Variants in PRODH2 observed in about 807,000 individuals in gnomAD.
The protein encoded by PRODH2 is hydroxyproline dehydrogenase.
Under a neutral mutation model 51.9 loss-of-function variants are expected in PRODH2, and 49 were observed. That is an observed-to-expected ratio of 0.94 (90% CI 0.75 to 1.20). PRODH2 has a LOEUF of 1.20. Ranked by LOEUF, PRODH2 falls within the 50% of genes most tolerant of loss-of-function variation. PRODH2 has a pLI of 0.00. For synonymous variants in PRODH2, 249 were observed against 260.7 expected (o/e 0.96, Z 0.43); for missense variants, 597 against 610.9 (o/e 0.98, Z 0.24).
At chr19:35,804,031 G>A (rs1972472380) in intron 7 of PRODH2, among the ~76,000 whole-genome samples, 1 of 152,130 alleles carries the variant, frequency 6.6e-6, no homozygotes, top group Admixed American at 6.6e-5. Flanking sequence ...TCATGTGCAG[G>A]AAGGAGTGTG....
intron 4 of PRODH2, among the ~76,000 whole-genome samples, chr19:35,808,832 A>C (rs1320316398): frequency 2.6e-5 from 3 of 116,028 alleles, no homozygotes; most frequent in African/African-American, 1.1e-4. Flanking sequence ...TTTTTTTGAG[A>C]TAGATCTCAC....
At chr19:35,803,429 A>AT (rs1260573865) in intron 7 of PRODH2, among the ~76,000 whole-genome samples, 1 of 151,606 alleles carries the variant, frequency 6.6e-6, no homozygotes, top group East Asian at 1.9e-4. Context: ...TAATTTTTGT[A>AT]TTTTTAGTAG....
intron 4 of PRODH2, among the ~76,000 whole-genome samples, chr19:35,810,558 T>C (rs1972593036): frequency 6.6e-6 from 1 of 151,228 alleles, no homozygotes; most frequent in Non-Finnish European, 1.5e-5. Context: ...AGTCTTACTC[T>C]GTCACCAGGC....
Position 35,806,792 on chromosome 19 carries a change from C to T in PRODH2, c.717G>A (p.Ala239=), listed in dbSNP as rs749831811. 21 of 1,612,204 alleles carry T rather than the reference C, an allele frequency of 1.3e-5. No individual in the cohort carries two copies. Among genetic ancestry groups the T allele is most frequent in the African/African-American group, 2.7e-5 (2 of 74,866 alleles). The stretch of plus-strand genomic sequence containing the variant: ...GCGCAGGGTTCAGTGAGGTGTACTC[C>T]GCATCCACCAGGAGCCGCACGTGCT... ...RAQHVRLLVD[A]EYTSLNPALS... The change falls in exon 6 of 10, where the codon GCG becomes GCA. Residue 239 remains alanine, a synonymous_variant. Transcript: ENST00000653904.
Position 35,812,441 on chromosome 19 carries a change from A to G in PRODH2, c.290T>C (p.Val97Ala), listed in dbSNP as rs752334119. Residue 97 changes from valine (V) to alanine (A), a missense_variant, in exon 2 of 10, where the codon GTG becomes GCG. Transcript: ENST00000653904. ...GAGGCTGAGGGTCCGCAGCTGCTGC[A>G]CGCAGCCCTTCACCTCCTCTGCTGT... ...GETAEEVKGC[V>A]QQLRTLSLRP... The G allele has an allele frequency of 1.2e-6, 2 of 1,614,216 alleles. No homozygotes were observed. Among genetic ancestry groups the G allele is most frequent in the Admixed American group, 1.7e-5 (1 of 60,032 alleles).
chr19:35,812,314 C>T (rs1346179766), intron 2 of PRODH2, 42 bp from the exon 3 acceptor site: 1 of 1,610,748 alleles, frequency 6.2e-7, no homozygotes, highest in Non-Finnish European at 8.5e-7. Context: ...AGCAAAGCCC[C>T]TTCCTGCGTC....
At position 35,800,201 on chromosome 19, in the gene PRODH2, T is replaced by C. The variant is rs1364309083; in HGVS notation, c.1220A>G (p.Tyr407Cys). ...LALGQAGYVV[Y>C]KSIPYGSLEE... ...CAAGGAGCCATAGGGAATGGACTTATACACTACATAGCCGGCCTGCCCTGC... is the reference window on the plus strand; with the variant it reads ...CAAGGAGCCATAGGGAATGGACTTACACACTACATAGCCGGCCTGCCCTGC... The change falls in exon 10 of 10, where the codon TAT becomes TGT. Residue 407 changes from tyrosine (Y) to cysteine (C), a missense_variant. By Grantham distance (194) the Tyr-to-Cys change is radical (BLOSUM62 -2). Transcript: ENST00000653904. 6.3e-7 allele frequency: 1 copy of C among 1,594,484 alleles called. No homozygotes were observed. The highest frequency in any genetic ancestry group is 8.5e-7 in the Non-Finnish European group (1 of 1,170,264).
chr19:35,812,291 T>C lies in PRODH2; in HGVS notation c.372-19A>G. 6.2e-7 allele frequency: 1 copy of C among 1,612,730 alleles called. No homozygotes were observed. Among genetic ancestry groups the C allele is most frequent in the South Asian group, 1.1e-5 (1 of 90,990 alleles). Reference sequence around the variant, plus strand: ...CGCCTCACTGCCCAGCCAGCAGGTGTCAGGGCCCGAACAGCAAAGCCCCTT... The same window carrying C: ...CGCCTCACTGCCCAGCCAGCAGGTGCCAGGGCCCGAACAGCAAAGCCCCTT... On this transcript the variant is annotated intron_variant, in intron 2 of 9. Coordinates refer to ENST00000653904, the MANE Select transcript of PRODH2 (RefSeq NM_021232.2).
rs374226189 is a variant in PRODH2 at position 35,812,251 on chromosome 19, G to C, written c.393C>G (p.Asn131Lys). 2.2e-5 allele frequency: 36 copies of C among 1,613,542 alleles called. No homozygotes were observed. The African/African-American group carries it at 3.7e-4, about 17-fold the overall frequency. The change falls in exon 3 of 10, where the codon AAC becomes AAG. Residue 131 changes from asparagine (N) to lysine (K), a missense_variant. Transcript: ENST00000653904. ...CCACACACCGCAGCATAGCACCGAG[G>C]TTCCCCTCATACCACGCCTCACTGC... ...AKSGEAWYEG[N>K]LGAMLRCVDL...
rs764939900 is a variant in PRODH2, at chr19:35,812,439, G to C, written c.292C>G (p.Gln98Glu). The C allele has an allele frequency of 1.9e-5, 30 of 1,614,124 alleles. 1 individual carries two copies. The South Asian group carries it at 3.3e-4, about 18-fold the overall frequency. ...CGGAGGCTGAGGGTCCGCAGCTGCT[G>C]CACGCAGCCCTTCACCTCCTCTGCT... ...ETAEEVKGCVQQLRTLSLRPL... is the reference protein window; with the variant it reads ...ETAEEVKGCVEQLRTLSLRPL... Residue 98 changes from glutamine to glutamate, a missense_variant, in exon 2 of 10, where the codon CAG (glutamine) becomes GAG (glutamate). By Grantham distance (29) the Gln-to-Glu change is conservative. Transcript: ENST00000653904.
intron 4 of PRODH2, among the ~76,000 whole-genome samples, chr19:35,809,321 C>T (rs955717227): frequency 1.3e-5 from 2 of 152,074 alleles, no homozygotes; most frequent in South Asian, 2.1e-4. Context: ...GTATTGACCT[C>T]CTGGGCTCAA....
chr19:35,810,149 TC>T (rs1327078882), intron 4 of PRODH2, among the ~76,000 whole-genome samples: 2 of 138,096 alleles, frequency 1.4e-5, no homozygotes, highest in Non-Finnish European at 3.1e-5. Context: ...GCGCTTGTAA[TC>T]CCAGCTACTC....
At position 35,812,791 on chromosome 19, in the gene PRODH2, A is replaced by T; in HGVS notation, c.15T>A (p.Cys5Ter). 1 of 1,599,284 alleles carries T rather than the reference A, an allele frequency of 6.3e-7. No homozygotes were observed. Among genetic ancestry groups the T allele is most frequent in the Non-Finnish European group, 8.5e-7 (1 of 1,171,040 alleles). Residue 5 changes from cysteine (C) to a stop codon, truncating the protein, a stop_gained, in exon 1 of 10, where the codon TGT becomes TGA. Coordinates refer to ENST00000653904, the MANE Select transcript of PRODH2 (RefSeq NM_021232.2). LOFTEE classifies it high-confidence loss of function. ...GACCAGCTTGGGAACAGAGCACGTA[A>T]CAGGTCCGGAGCATCCTGGGTCCCT... MLRT[C>*]YVLCSQAGPP...
Position 35,812,463 on chromosome 19 carries a change from C to T in PRODH2, c.268G>A (p.Ala90Thr). The T allele has an allele frequency of 1.9e-6, 3 of 1,614,192 alleles. No individual in the cohort carries two copies. Among genetic ancestry groups the T allele is most frequent in the Non-Finnish European group, 2.5e-6 (3 of 1,180,008 alleles). Residue 90 changes from alanine (A) to threonine (T), a missense_variant, in exon 2 of 10, where the codon GCA becomes ACA. Coordinates refer to ENST00000653904, the MANE Select transcript of PRODH2 (RefSeq NM_021232.2). Reference sequence around the variant, plus strand: ...TGCACGCAGCCCTTCACCTCCTCTGCTGTCTCACCAGCCACAAACTGCCCA... The same window carrying T: ...TGCACGCAGCCCTTCACCTCCTCTGTTGTCTCACCAGCCACAAACTGCCCA... ...VYGQFVAGET[A>T]EEVKGCVQQL...
intron 7 of PRODH2, among the ~76,000 whole-genome samples, chr19:35,806,108 C>T (rs1972507330): frequency 7.6e-6 from 1 of 130,864 alleles, no homozygotes; most frequent in African/African-American, 2.9e-5. Flanking sequence ...TGTTTTGAGA[C>T]AGATTCTCGC....
At chr19:35,801,538 C>A (rs2146777815) in intron 9 of PRODH2, among the ~76,000 whole-genome samples, 1 of 152,116 alleles carries the variant, frequency 6.6e-6, no homozygotes, top group East Asian at 1.9e-4. Flanking sequence ...ACACAGCAAG[C>A]CACTTCTGCC....
Position 35,812,035 on chromosome 19 carries a change from G to A in PRODH2, c.524C>T (p.Ser175Leu), listed in dbSNP as rs201027119. ...GGAGGCTCCTGGCCTTCTGACCCAC[G>A]AGGCTAGCTCCTTCTGAAATGGGGT... ...TSTRLCKELA[S>L]WVRRPGASLE... is the part of the protein sequence containing the mutation. The change falls in exon 4 of 10, where the codon TCG (serine) becomes TTG (leucine). Residue 175 changes from serine to leucine, a missense_variant. Ser to Leu is a moderately radical substitution (Grantham distance 145). Transcript: ENST00000653904. 2.4e-5 allele frequency: 39 copies of A among 1,614,170 alleles called. No individual in the cohort carries two copies. The highest frequency in any genetic ancestry group is 2.1e-4 in the South Asian group (19 of 91,082).
intron 4 of PRODH2, among the ~76,000 whole-genome samples, 177 bp from the exon 5 acceptor site, chr19:35,807,298 C>T (rs1373771409): frequency 6.6e-6 from 1 of 152,112 alleles, no homozygotes; most frequent in Non-Finnish European, 1.5e-5. Context: ...TTCTGGGCCT[C>T]AGTTTTTGTT....
intron 7 of PRODH2, among the ~76,000 whole-genome samples, chr19:35,803,397 G>A (rs997037108): frequency 4.5e-4 from 69 of 152,236 alleles, no homozygotes; most frequent in African/African-American, 1.6e-3. Context: ...TGGGATTACA[G>A]GCGTGCACCA....
Sources: gnomAD v4.1 joint callset for allele counts (sites outside exome capture counted in the v4.1 genomes callset) on GRCh38, gnomAD v4.1.1 for gene constraint, MANE v1.5 for transcripts, NCBI Gene and HGNC (gene_info 2026-07-23, HGNC 2026-07-21) for gene names.